CECR2: variants seen among roughly 807,000 people sequenced by gnomAD.
The protein encoded by CECR2 is CECR2 histone acetyl-lysine reader, also known as chromatin remodeling regulator CECR2.
A neutral mutation model predicts 154.5 loss-of-function variants in CECR2; 30 were observed. That is an observed-to-expected ratio of 0.19 (90% CI 0.15 to 0.26). The LOEUF (loss-of-function observed/expected upper bound fraction) is 0.26, where lower values mean the gene tolerates loss of function less well. Ranked by LOEUF, CECR2 falls within the 10% of genes least tolerant of loss-of-function variation. The pLI, the probability that CECR2 is intolerant of heterozygous loss-of-function variation, is 1.00. For missense variants in CECR2, 1,743 were observed against 1,829.3 expected, an observed-to-expected ratio of 0.95 and a Z score of 0.86; for synonymous variants, 725 against 683.7, an observed-to-expected ratio of 1.06 and a Z score of -0.94.
At chr22:17,486,031 G>A (rs892447766) in intron 2 of CECR2, among the ~76,000 whole-genome samples, 1 of 152,172 alleles carries the variant, frequency 6.6e-6, no homozygotes, top group African/African-American at 2.4e-5. Flanking sequence ...GCAGTCTTGA[G>A]TGCTGTGGCG....
rs759916074 is a variant in CECR2 at position 17,542,910 on chromosome 22, A to G, written c.2767A>G (p.Met923Val). 2.8e-5 allele frequency: 45 copies of G among 1,613,640 alleles called. No individual in the cohort carries two copies. The South Asian group carries it at 4.2e-4, about 15-fold the overall frequency. The change falls in exon 16 of 19, where the codon ATG becomes GTG. Residue 923 changes from methionine to valine, a missense_variant. Transcript: ENST00000262608. Reference protein sequence around the residue: ...PGPFPQVAHPMSVTVSAPKPA... With the variant: ...PGPFPQVAHPVSVTVSAPKPA... Reference sequence around the variant, plus strand: ...CCCTTTTCCGCAGGTAGCTCACCCAATGTCAGTCACTGTGTCAGCCCCCAA... The same window carrying G: ...CCCTTTTCCGCAGGTAGCTCACCCAGTGTCAGTCACTGTGTCAGCCCCCAA...
chr22:17,365,051 C>G (rs889389504), upstream of CECR2, among the ~76,000 whole-genome samples: 7 of 152,018 alleles, frequency 4.6e-5, no homozygotes, highest in Non-Finnish European at 1.0e-4. Flanking sequence ...ATGAAGAAAC[C>G]CTATCTCTAC....
rs1258287861 is a variant in CECR2 at position 17,423,517 on chromosome 22, AAAAG to A, written c.126+53611_126+53614del. Among the ~76,000 whole-genome samples, 5 of 152,232 alleles carry A rather than the reference AAAAG, an allele frequency of 3.3e-5. No homozygotes were observed. The East Asian group carries it at 5.8e-4, about 18-fold the overall frequency. On this transcript the variant is annotated intron_variant, in intron 1 of 18. Transcript: ENST00000262608. Reference sequence around the variant, plus strand: ...GCGAGACTCTGTCTCAAAAAAAAAAAAAAGAAGAAGAATTAAGTGCTCTGGCCTG... The same window carrying A: ...GCGAGACTCTGTCTCAAAAAAAAAAAAAGAAGAATTAAGTGCTCTGGCCTG...
chr22:17,373,003 C>T (rs1326845518), intron 1 of CECR2, among the ~76,000 whole-genome samples: 7 of 152,096 alleles, frequency 4.6e-5, no homozygotes, highest in Admixed American at 4.6e-4. Context: ...GAGATTAAGA[C>T]CTTCCACTTA....
intron 1 of CECR2, among the ~76,000 whole-genome samples, chr22:17,427,668 A>G (rs1326908395): frequency 6.6e-6 from 1 of 152,150 alleles, no homozygotes; most frequent in African/African-American, 2.4e-5. Context: ...CAAAGCTTCC[A>G]CAGTGTGGAA....
At chr22:17,549,653 C>T in intron 17 of CECR2, 89 bp downstream of exon 17, 1 of 1,222,340 alleles carries the variant, frequency 8.2e-7, no homozygotes, top group Non-Finnish European at 1.1e-6. Flanking sequence ...CACTTTGTCA[C>T]CCAGGCTGGA....
chr22:17,390,750 A>G (rs1272342018), intron 1 of CECR2, among the ~76,000 whole-genome samples: 2 of 152,156 alleles, frequency 1.3e-5, no homozygotes, highest in African/African-American at 4.8e-5. Context: ...TGCTTGAATG[A>G]CAGGCGTGAG....
intron 2 of CECR2, among the ~76,000 whole-genome samples, chr22:17,485,567 G>T (rs1422312174): frequency 6.6e-6 from 1 of 152,204 alleles, no homozygotes; most frequent in African/African-American, 2.4e-5. Flanking sequence ...TCAGGAGTTC[G>T]AGACCAGCCT....
Position 17,552,850 on chromosome 22 carries a change from G to A in CECR2, c.*10G>A. ...TTTCTTTCAGAGCTAGTCCAAGGAG[G>A]AAATGAGCCCCAAGCAATGGAAAGC... On this transcript the variant is annotated 3_prime_UTR_variant, in exon 19 of 19. Coordinates refer to ENST00000262608, the MANE Select transcript of CECR2 (RefSeq NM_001290047.2). 1 of 1,518,066 alleles carries A rather than the reference G, an allele frequency of 6.6e-7. No homozygotes were observed. Among genetic ancestry groups the A allele is most frequent in the Non-Finnish European group, 8.9e-7 (1 of 1,126,968 alleles). The allele number at this position is 1,518,066 out of a possible 1,614,324, so 94.0% of individuals were successfully genotyped here. A position where few individuals can be genotyped will look rare whatever the true frequency, so the allele number is the denominator to read the frequency against.
chr22:17,396,391 CAAAAAT>C (rs1569054284), intron 1 of CECR2, among the ~76,000 whole-genome samples: 2 of 152,024 alleles, frequency 1.3e-5, no homozygotes, highest in Non-Finnish European at 2.9e-5. Context: ...CTACGAAATA[CAAAAAT>C]TAGCTGGGTG....
chr22:17,407,423 C>T (rs756054087), intron 1 of CECR2, among the ~76,000 whole-genome samples: 3 of 152,140 alleles, frequency 2.0e-5, no homozygotes, highest in Non-Finnish European at 2.9e-5. Context: ...TAGTGAAACC[C>T]CATCTCTACT....
At chr22:17,540,171 A>G (rs2056499626) in intron 13 of CECR2, among the ~76,000 whole-genome samples, 1 of 152,208 alleles carries the variant, frequency 6.6e-6, no homozygotes, top group South Asian at 2.1e-4. Flanking sequence ...TGTCCCAACC[A>G]TACAACCTTG....
chr22:17,452,458 G>A (rs1371131573), intron 1 of CECR2, among the ~76,000 whole-genome samples: 1 of 152,154 alleles, frequency 6.6e-6, no homozygotes, highest in Non-Finnish European at 1.5e-5. Flanking sequence ...GTATAAGAGG[G>A]AGAATAGGGG....
At chr22:17,543,317 G>T (rs2056560892) in intron 16 of CECR2, among the ~76,000 whole-genome samples, 1 of 151,240 alleles carries the variant, frequency 6.6e-6, no homozygotes, top group East Asian at 2.0e-4. Context: ...GGTATTTTTA[G>T]TAGCAACGGG....
chr22:17,516,696 G>GCTATT (rs1305807720), intron 8 of CECR2, among the ~76,000 whole-genome samples: 4 of 152,186 alleles, frequency 2.6e-5, no homozygotes, highest in African/African-American at 9.7e-5. Context: ...CTGGGTTCAA[G>GCTATT]CTATTCCCCT....
At chr22:17,485,112 T>C (rs551066431) in intron 2 of CECR2, among the ~76,000 whole-genome samples, 1 of 152,362 alleles carries the variant, frequency 6.6e-6, no homozygotes, top group South Asian at 2.1e-4. Flanking sequence ...TCCTATGTCC[T>C]GGACGCTGCC....
At position 17,387,370 on chromosome 22, in the gene CECR2, G is replaced by A. The variant is rs551281404; in HGVS notation, c.126+17461G>A. On this transcript the variant is annotated intron_variant, in intron 1 of 18. Transcript: ENST00000262608. Reference sequence around the variant, plus strand: ...CAATGAAATTTCCATTCTTGGGAGCGTAACCTAGGAAATACAAGGATTATC... The same window carrying A: ...CAATGAAATTTCCATTCTTGGGAGCATAACCTAGGAAATACAAGGATTATC... 5.3e-5 allele frequency among the ~76,000 whole-genome samples: 8 copies of A among 152,278 alleles called. No homozygotes were observed. In the South Asian group the frequency reaches 6.2e-4, roughly 12 times the overall value.
intron 9 of CECR2, among the ~76,000 whole-genome samples, chr22:17,533,477 A>G (rs2056390547): frequency 1.3e-5 from 2 of 151,770 alleles, no homozygotes; most frequent in Non-Finnish European, 2.9e-5. Context: ...TAAAAATACA[A>G]TAATTACCCA....
chr22:17,426,531 A>G (rs896599062), intron 1 of CECR2, among the ~76,000 whole-genome samples: 2 of 152,058 alleles, frequency 1.3e-5, no homozygotes, highest in Non-Finnish European at 1.5e-5. Context: ...TAATTTTTGT[A>G]TTTTTGGTAG....
Sources: allele counts gnomAD v4.1 joint callset (sites outside exome capture counted in the v4.1 genomes callset), GRCh38; gene constraint gnomAD v4.1.1; transcripts MANE v1.5; gene names NCBI Gene and HGNC (gene_info 2026-07-23, HGNC 2026-07-21).